The following SUSD2 variants were observed in gnomAD, a reference collection of about 807,000 sequenced individuals.
SUSD2 encodes sushi domain containing 2, also known as sushi domain-containing protein 2.
A neutral mutation model predicts 93.8 loss-of-function variants in SUSD2; 86 were observed. The observed-to-expected ratio is 0.92, with a 90% confidence interval of 0.77 to 1.10. SUSD2 has a LOEUF of 1.10. SUSD2 is among the 50% of genes least tolerant of loss of function. The pLI is 0.00. For missense variants in SUSD2, 1,060 were observed against 1,137.0 expected, an observed-to-expected ratio of 0.93 and a Z score of 0.97; for synonymous variants, 483 against 485.0, an observed-to-expected ratio of 1.00 and a Z score of 0.05.
intron 1 of SUSD2, chr22:24,182,573 A>G (rs2047331599): frequency 5.8e-6 from 1 of 173,706 alleles, no homozygotes; most frequent in Non-Finnish European, 1.2e-5. Flanking sequence ...GACTCTTGGC[A>G]GCCATATCCC....
At position 24,181,576 on chromosome 22, in the gene SUSD2, G is replaced by A. The variant is rs751931111; in HGVS notation, c.57G>A (p.Pro19=). 30 of 1,599,590 alleles carry A rather than the reference G, an allele frequency of 1.9e-5. No individual in the cohort carries two copies. Among genetic ancestry groups the A allele is most frequent in the Admixed American group, 5.1e-5 (3 of 59,078 alleles). ...TGCTGCTGGCGACAGCCCTCGGCCC[G>A]GGCCCCGGACCCACAGCAGGTATGC... ...ALLLLATALG[P]GPGPTADAQE... is the part of the protein sequence containing the mutation. Residue 19 remains proline (P), a synonymous_variant, in exon 1 of 15, where the codon CCG becomes CCA. Transcript: ENST00000358321.
chr22:24,185,231 T>C lies in SUSD2; in HGVS notation c.920T>C (p.Leu307Pro), dbSNP rs780971735. The C allele has an allele frequency of 1.5e-5, 24 of 1,609,102 alleles. No homozygotes were observed. Among genetic ancestry groups the C allele is most frequent in the Non-Finnish European group, 1.9e-5 (23 of 1,179,918 alleles). The change falls in exon 6 of 15, where the codon CTG becomes CCG. Residue 307 changes from leucine to proline, a missense_variant. By Grantham distance (98) the Leu-to-Pro change is moderately conservative. Around this residue, in one of 2 missense-constraint regions of SUSD2, gnomAD observed 973 missense variants for 1,005.3 expected, o/e 0.97. Coordinates refer to ENST00000358321, the MANE Select transcript of SUSD2 (RefSeq NM_019601.4). ...CTGGAGGATCAGCTGCCCAACTTCC[T>C]GGAGGAGCTGCCGGACTGCCCCTGC... The part of the protein sequence containing the change: ...EELEDQLPNF[L>P]EELPDCPCTL...
rs1170742236 is a variant in SUSD2, at chr22:24,187,958, G to T, written c.2165-1G>T. On this transcript the variant is annotated splice_acceptor_variant, in intron 12 of 14. Transcript: ENST00000358321. LOFTEE classifies it high-confidence loss of function. ...TTGTCTGCACTCTGTCCCCATCCCA[G>T]TGGTGTCCTGTGGCTGGCTGGCCCC... 16 of 1,612,634 alleles carry T rather than the reference G, an allele frequency of 9.9e-6. No individual in the cohort carries two copies. Among genetic ancestry groups the T allele is most frequent in the African/African-American group, 2.7e-5 (2 of 74,926 alleles).
rs140840148 is a variant in SUSD2 at position 24,183,105 on chromosome 22, G to A, written c.125G>A (p.Cys42Tyr). Residue 42 changes from cysteine to tyrosine, a missense_variant, in exon 2 of 15, where the codon TGT (cysteine) becomes TAT (tyrosine). By Grantham distance (194) the Cys-to-Tyr change is radical. Coordinates refer to ENST00000358321, the MANE Select transcript of SUSD2 (RefSeq NM_019601.4). ...CGCTGTGGCGCCCTGGACGGGCCAT[G>A]TTCCTGCCACCCGACGTGCTCTGGC... ...SMRCGALDGPCSCHPTCSGLG... is the reference protein window; with the variant it reads ...SMRCGALDGPYSCHPTCSGLG... The A allele has an allele frequency of 4.2e-5, 67 of 1,614,010 alleles. No individual in the cohort carries two copies. In the African/African-American group the frequency reaches 7.1e-4, roughly 17 times the overall value.
At position 24,183,511 on chromosome 22, in the gene SUSD2, C is replaced by G; in HGVS notation, c.304C>G (p.Gln102Glu). The change falls in exon 3 of 15, where the codon CAG (glutamine) becomes GAG (glutamate). Residue 102 changes from glutamine to glutamate, a missense_variant. By Grantham distance (29) the Gln-to-Glu change is conservative. Transcript: ENST00000358321. ...CGCCCACAGGTTTAAGGACAGCATC[C>G]AGACCCTCGGCCATGTGGACTCCTC... ...SVICRFKDSI[Q>E]TLGHVDSSGQ... The G allele has an allele frequency of 6.2e-7, 1 of 1,612,754 alleles. No homozygotes were observed. Among genetic ancestry groups the G allele is most frequent in the Non-Finnish European group, 8.5e-7 (1 of 1,179,922 alleles).
At chr22:24,187,007 G>A (rs146052743) in intron 10 of SUSD2, 195 bp from the exon 11 acceptor site, 36 of 660,096 alleles carry the variant, frequency 5.5e-5, no homozygotes, top group African/African-American at 5.4e-4. Flanking sequence ...CTCAGGTGCC[G>A]CTGGGAGTTC....
rs763053320 is a variant in SUSD2, at chr22:24,185,146, G to A, written c.835G>A (p.Asp279Asn). The A allele has an allele frequency of 4.8e-5, 78 of 1,612,732 alleles. No individual in the cohort carries two copies. The Middle Eastern group carries it at 5.0e-4, about 10-fold the overall frequency. The change falls in exon 6 of 15, where the codon GAT (aspartate) becomes AAT (asparagine). Residue 279 changes from aspartate (D) to asparagine (N), a missense_variant. By Grantham distance (23) the Asp-to-Asn change is conservative. Transcript: ENST00000358321. The part of the protein sequence containing the change: ...NDHALAWHLS[D>N]DFREDPVAWA... ...CCACGCACTGGCCTGGCACCTGAGC[G>A]ATGACTTCCGAGAGGACCCTGTGGC... is the stretch of plus-strand genomic sequence containing the variant.
rs373408578 is a variant in SUSD2 at position 24,185,098 on chromosome 22, G to T, written c.787G>T (p.Val263Leu). ...CCAGCATCATCACCTCCACAGGGAC[G>T]TGCAGGCGCTCTGGACCAACGACCA... The part of the protein sequence containing the change: ...DSKNYAGQKD[V>L]QALWTNDHAL... The change falls in exon 6 of 15, where the codon GTG becomes TTG. Residue 263 changes from valine to leucine, a missense_variant. Physicochemically the swap from Val to Leu is conservative, Grantham distance 32. This residue lies in a region of SUSD2 where 973 missense variants were observed against 1,005.3 expected (regional missense o/e 0.97). Coordinates refer to ENST00000358321, the MANE Select transcript of SUSD2 (RefSeq NM_019601.4). 3 of 1,613,022 alleles carry T rather than the reference G, an allele frequency of 1.9e-6. No homozygotes were observed. The highest frequency in any genetic ancestry group is 1.1e-5 in the South Asian group (1 of 91,078).
intron 6 of SUSD2, 52 bp downstream of exon 6, chr22:24,185,347 C>T (rs2047354790): frequency 6.4e-7 from 1 of 1,574,062 alleles, no homozygotes; most frequent in Non-Finnish European, 8.6e-7. Flanking sequence ...AGCCTCCCCA[C>T]TGAGGACAGC....
Position 24,185,140 on chromosome 22 carries a change from C to CT in SUSD2, c.830dup (p.Ser278GlufsTer3). 6.2e-7 allele frequency: 1 copy of CT among 1,612,788 alleles called. No homozygotes were observed. Among genetic ancestry groups the CT allele is most frequent in the Non-Finnish European group, 8.5e-7 (1 of 1,179,776 alleles). On this transcript the variant is annotated frameshift_variant, in exon 6 of 15. Coordinates refer to ENST00000358321, the MANE Select transcript of SUSD2 (RefSeq NM_019601.4). LOFTEE classifies it high-confidence loss of function. Reference sequence around the variant, plus strand: ...CAACGACCACGCACTGGCCTGGCACCTGAGCGATGACTTCCGAGAGGACCC... The same window carrying CT: ...CAACGACCACGCACTGGCCTGGCACCTTGAGCGATGACTTCCGAGAGGACCC...
At chr22:24,185,990 C>T in intron 8 of SUSD2, 26 bp from the exon 9 acceptor site, 1 of 1,589,622 alleles carries the variant, frequency 6.3e-7, no homozygotes, top group Non-Finnish European at 8.6e-7. Flanking sequence ...GGTGCACCCC[C>T]ACGTGACCCT....
In SUSD2 at chr22:24,187,585, G is replaced by T. The variant is rs779091820; in HGVS notation, c.1906G>T (p.Ala636Ser). The change falls in exon 12 of 15, where the codon GCG becomes TCG. Residue 636 changes from alanine (A) to serine (S), a missense_variant. Ala to Ser is a moderately conservative substitution (Grantham distance 99, BLOSUM62 1). This residue lies in a region of SUSD2 where 973 missense variants were observed against 1,005.3 expected (regional missense o/e 0.97). Coordinates refer to ENST00000358321, the MANE Select transcript of SUSD2 (RefSeq NM_019601.4). ...GTATCTTCCAGGGACCGTGCACAAT[G>T]CGTCCTCCCTGCTCACCTACGATTC... is the stretch of plus-strand genomic sequence containing the variant. ...LFGANWTVHN[A>S]SSLLTYDSWF... is the part of the protein sequence containing the mutation. 8 of 1,612,714 alleles carry T rather than the reference G, an allele frequency of 5.0e-6. No homozygotes were observed. The African/African-American group carries it at 8.0e-5, about 16-fold the overall frequency.
At position 24,185,646 on chromosome 22, in the gene SUSD2, C is replaced by T. The variant is rs766119322; in HGVS notation, c.1071-15C>T. 4 of 1,608,226 alleles carry T rather than the reference C, an allele frequency of 2.5e-6. No homozygotes were observed. Among genetic ancestry groups the T allele is most frequent in the South Asian group, 1.1e-5 (1 of 90,644 alleles). On this transcript the variant is annotated splice_polypyrimidine_tract_variant and intron_variant, in intron 7 of 14. Transcript: ENST00000358321. ...TCCCAACAGTGGCCTGGCCCTGACT[C>T]ACTGGCTCCTGCAGCCTCCGGTACG...
intron 1 of SUSD2, among the ~76,000 whole-genome samples, chr22:24,182,041 C>A (rs538250528): frequency 6.6e-6 from 1 of 152,272 alleles, no homozygotes; most frequent in Admixed American, 6.5e-5. Flanking sequence ...CACTTGCAAG[C>A]ATCTCTCGGC....
At chr22:24,183,868 G>A in intron 3 of SUSD2, 1 of 655,362 alleles carries the variant, frequency 1.5e-6, no homozygotes, top group Non-Finnish European at 2.6e-6. Context: ...GGTCCCTAGA[G>A]AGGTGGGCCA....
chr22:24,187,090 C>T (rs2047371597), intron 10 of SUSD2, 112 bp from the exon 11 acceptor site: 1 of 1,433,908 alleles, frequency 7.0e-7, no homozygotes, highest in Admixed American at 2.0e-5. Context: ...CTCCCTTCCC[C>T]TGCAGGTGCC....
intron 1 of SUSD2, among the ~76,000 whole-genome samples, chr22:24,182,348 C>A (rs923942349): frequency 6.6e-6 from 1 of 152,196 alleles, no homozygotes; most frequent in Non-Finnish European, 1.5e-5. Context: ...TTGGGCCCGG[C>A]GCCCACAGCC....
rs149333973 is a variant in SUSD2 at position 24,187,781 on chromosome 22, C to T, written c.2102C>T (p.Thr701Met). The change falls in exon 12 of 15, where the codon ACG becomes ATG. Residue 701 changes from threonine (T) to methionine (M), a missense_variant. Around this residue, in one of 2 missense-constraint regions of SUSD2, gnomAD observed 973 missense variants for 1,005.3 expected, o/e 0.97. Coordinates refer to ENST00000358321, the MANE Select transcript of SUSD2 (RefSeq NM_019601.4). Reference protein sequence around the residue: ...FDVAATGSLSTGTATRVAHQL... With the variant: ...FDVAATGSLSMGTATRVAHQL... ...GTGGCAGCCACTGGGAGCCTGAGCA[C>T]GGGCACTGCCACTCGGGTGGCCCAC... 2.8e-5 allele frequency: 45 copies of T among 1,601,002 alleles called. No homozygotes were observed. The African/African-American group carries it at 4.0e-4, about 14-fold the overall frequency.
In SUSD2 at chr22:24,188,653, A is replaced by C; in HGVS notation, c.*217A>C. ...CAGCGCTCCGTGCTCTTCCCCAAAT[A>C]CTCACGGCTCTAATTCCCCAAACCT... On this transcript the variant is annotated 3_prime_UTR_variant, in exon 15 of 15. Transcript: ENST00000358321. This position sits in a 1 kb window ranked among gnomAD's most constrained non-coding sequence, Gnocchi z 4.7. The C allele has an allele frequency of 5.4e-6, 3 of 550,510 alleles. No individual in the cohort carries two copies. Among genetic ancestry groups the C allele is most frequent in the Non-Finnish European group, 9.8e-6 (3 of 307,514 alleles). 34.1% of individuals were successfully genotyped at this position (550,510 alleles called of 1,614,324 possible).
Sources: gnomAD v4.1 joint callset for allele counts (sites outside exome capture counted in the v4.1 genomes callset) on GRCh38, gnomAD v4.1.1 for gene constraint, gnomAD v4.1.1 regional missense constraint, Gnocchi (gnomAD v3.1) non-coding constraint, MANE v1.5 for transcripts, NCBI Gene and HGNC (gene_info 2026-07-23, HGNC 2026-07-21) for gene names.